Variants in KIF13B observed in about 807,000 individuals in gnomAD.
The protein encoded by KIF13B is kinesin family member 13B.
KIF13B carries 127 observed loss-of-function variants against 222.0 expected under a neutral mutation model. That is an observed-to-expected ratio of 0.57 (90% CI 0.50 to 0.66). The LOEUF (loss-of-function observed/expected upper bound fraction) is 0.66, where lower values mean the gene tolerates loss of function less well. Ranked by LOEUF, KIF13B falls within the 30% of genes least tolerant of loss-of-function variation. The pLI, the probability that KIF13B is intolerant of heterozygous loss-of-function variation, is 0.00. For synonymous variants in KIF13B, 976 were observed against 919.0 expected (o/e 1.06, Z -1.12); for missense variants, 2,173 against 2,379.0 (o/e 0.91, Z 1.80).
At chr8:29,210,033 G>C (rs918174633) in intron 2 of KIF13B, among the ~76,000 whole-genome samples, 5 of 151,728 alleles carry the variant, frequency 3.3e-5, no homozygotes, top group Admixed American at 2.6e-4. Flanking sequence ...TCCAGCTTAG[G>C]CAAGAGAGCC....
chr8:29,109,900 T>C lies in KIF13B; in HGVS notation c.4083+18A>G. 6.2e-7 allele frequency: 1 copy of C among 1,612,174 alleles called. No homozygotes were observed. The highest frequency in any genetic ancestry group is 8.5e-7 in the Non-Finnish European group (1 of 1,179,318). ...ATCAGGGCCTCTGCTGCCCGCCCTA[T>C]CCATGCGGTTGGCTAACCTGGCGCA... On this transcript the variant is annotated intron_variant, in intron 33 of 39. Coordinates refer to ENST00000524189, the MANE Select transcript of KIF13B (RefSeq NM_015254.4).
At chr8:29,156,874 T>C (rs1274127139) in intron 13 of KIF13B, among the ~76,000 whole-genome samples, 1 of 151,986 alleles carries the variant, frequency 6.6e-6, no homozygotes, top group Admixed American at 6.6e-5. Flanking sequence ...CTTGGATGTC[T>C]GAAGATATAT....
intron 1 of KIF13B, among the ~76,000 whole-genome samples, chr8:29,256,690 G>A (rs976053395): frequency 6.6e-6 from 1 of 152,120 alleles, no homozygotes; most frequent in Non-Finnish European, 1.5e-5. Flanking sequence ...TTGTAATTCT[G>A]GGAATGTTAA....
rs1225767997 is a variant in KIF13B at position 29,123,481 on chromosome 8, CCT to C, written c.3362_3363del (p.Glu1121GlyfsTer2). 4 of 1,614,012 alleles carry C rather than the reference CCT, an allele frequency of 2.5e-6. No homozygotes were observed. The Admixed American group carries it at 5.0e-5, about 20-fold the overall frequency. Reference protein sequence around the residue: ...QKLVSKRDKTEDDADREAQLL... With the variant: ...QKLVSKRDKTXDDADREAQLL... Reference sequence around the variant, plus strand: ...AGCTGCGCTTCACGGTCAGCATCATCCTCTGTTTTATCTAGAACATCGAGAAT... The same window carrying C: ...AGCTGCGCTTCACGGTCAGCATCATCCTGTTTTATCTAGAACATCGAGAAT... On this transcript the variant is annotated frameshift_variant, in exon 28 of 40. Coordinates refer to ENST00000524189, the MANE Select transcript of KIF13B (RefSeq NM_015254.4). LOFTEE classifies it high-confidence loss of function.
Position 29,167,454 on chromosome 8 carries a change from C to T in KIF13B, c.1077G>A (p.Val359=). 2.5e-6 allele frequency: 4 copies of T among 1,613,964 alleles called. No individual in the cohort carries two copies. Among genetic ancestry groups the T allele is most frequent in the Non-Finnish European group, 3.4e-6 (4 of 1,179,878 alleles). ...TAATTCGGGCATTAGGGTCCTCATT[C>T]ACCACAGCGTGGTTTACAATGTGCT... is the stretch of plus-strand genomic sequence containing the variant. ...RAKHIVNHAV[V]NEDPNARIIR... is the part of the protein sequence containing the mutation. The change falls in exon 11 of 40, where the codon GTG becomes GTA. Residue 359 remains valine (V), a synonymous_variant. Transcript: ENST00000524189.
At chr8:29,237,850 C>CA (rs1399311277) in intron 2 of KIF13B, among the ~76,000 whole-genome samples, 7 of 152,142 alleles carry the variant, frequency 4.6e-5, no homozygotes, top group Non-Finnish European at 2.9e-5. Context: ...CAAGTATATT[C>CA]AAAAGTAGTA....
intron 35 of KIF13B, among the ~76,000 whole-genome samples, chr8:29,102,023 C>T (rs1452984776): frequency 3.3e-5 from 5 of 151,414 alleles, no homozygotes; most frequent in African/African-American, 4.9e-5. Context: ...ACTATCTTCC[C>T]AATATGTTGT....
chr8:29,109,551 G>C (rs1251110096), intron 33 of KIF13B, 40 bp from the exon 34 acceptor site: 4 of 1,524,088 alleles, frequency 2.6e-6, no homozygotes, highest in Non-Finnish European at 3.6e-6. Flanking sequence ...AGACATGTAA[G>C]AGACACACTG....
rs1220568368 is a variant in KIF13B at position 29,069,150 on chromosome 8, G to C, written c.*1354C>G. ...GGGTGGCTGTGTGAATCTTGACCCA[G>C]GACTCCTGTCCCTAGATTGGTGGCC... On this transcript the variant is annotated 3_prime_UTR_variant, in exon 40 of 40. Coordinates refer to ENST00000524189, the MANE Select transcript of KIF13B (RefSeq NM_015254.4). 6.6e-6 allele frequency: 1 copy of C among 152,238 alleles called. No homozygotes were observed. Among genetic ancestry groups the C allele is most frequent in the Non-Finnish European group, 1.5e-5 (1 of 68,056 alleles). The allele number at this position is 152,238 out of a possible 1,614,324, so 9.4% of individuals were successfully genotyped here.
chr8:29,222,162 C>T (rs1411423912), intron 2 of KIF13B, among the ~76,000 whole-genome samples: 2 of 151,854 alleles, frequency 1.3e-5, no homozygotes, highest in Non-Finnish European at 1.5e-5. Context: ...GCCTGGGCAA[C>T]AATGTGAGAC....
intron 6 of KIF13B, among the ~76,000 whole-genome samples, chr8:29,182,603 T>A (rs984814476): frequency 7.3e-5 from 11 of 150,054 alleles, no homozygotes; most frequent in East Asian, 1.9e-4. Context: ...TTTTTTTTTT[T>A]AAAAGAAAAC....
intron 5 of KIF13B, among the ~76,000 whole-genome samples, chr8:29,186,835 G>A (rs971197062): frequency 2.0e-5 from 3 of 151,472 alleles, no homozygotes; most frequent in African/African-American, 4.8e-5. Context: ...CATGCGTGAC[G>A]GCACGTGCTT....
intron 12 of KIF13B, among the ~76,000 whole-genome samples, chr8:29,162,670 C>T (rs1271657969): frequency 6.6e-6 from 1 of 152,150 alleles, no homozygotes; most frequent in African/African-American, 2.4e-5. Flanking sequence ...TTTGTCAAAG[C>T]CGAAAGAGGC....
At chr8:29,229,398 G>A (rs1055270592) in intron 2 of KIF13B, among the ~76,000 whole-genome samples, 1 of 152,188 alleles carries the variant, frequency 6.6e-6, no homozygotes, top group Non-Finnish European at 1.5e-5. Context: ...ACACCTTTGA[G>A]TCTCATTTCC....
At chr8:29,115,870 C>T (rs921016380) in intron 31 of KIF13B, among the ~76,000 whole-genome samples, 5 of 152,162 alleles carry the variant, frequency 3.3e-5, no homozygotes, top group African/African-American at 9.7e-5. Context: ...TGCCCCTCCT[C>T]TCTAAGTCCC....
chr8:29,220,285 T>A (rs1814683420), intron 2 of KIF13B, among the ~76,000 whole-genome samples: 1 of 152,192 alleles, frequency 6.6e-6, no homozygotes, highest in African/African-American at 2.4e-5. Flanking sequence ...CCTGATGGTA[T>A]TCCCAGTGGT....
rs1266413194 is a variant in KIF13B at position 29,180,219 on chromosome 8, G to A, written c.605C>T (p.Ser202Phe). The A allele has an allele frequency of 6.2e-7, 1 of 1,613,782 alleles. No homozygotes were observed. The highest frequency in any genetic ancestry group is 8.5e-7 in the Non-Finnish European group (1 of 1,179,838). Reference sequence around the variant, plus strand: ...AACTGTGCGAGATTTGTTACCCTCAGACATCAACGACTCAATATCCTAAGT... The same window carrying A: ...AACTGTGCGAGATTTGTTACCCTCAAACATCAACGACTCAATATCCTAAGT... ...TSYKDIESLM[S>F]EGNKSRTVAA... Residue 202 changes from serine (S) to phenylalanine (F), a missense_variant, in exon 8 of 40, where the codon TCT becomes TTT. Ser to Phe is a radical substitution (Grantham distance 155, BLOSUM62 -2). This residue lies in a region of KIF13B where 1,480 missense variants were observed against 1,722.8 expected (regional missense o/e 0.86). Coordinates refer to ENST00000524189, the MANE Select transcript of KIF13B (RefSeq NM_015254.4).
chr8:29,110,112 T>TAC (rs761031414), intron 32 of KIF13B, 42 bp from the exon 33 acceptor site: 32 of 1,499,586 alleles, frequency 2.1e-5, no homozygotes, highest in African/African-American at 1.9e-4. Flanking sequence ...CTTCTTGATG[T>TAC]ACACACACAC....
At chr8:29,247,398 T>G (rs529968397) in intron 1 of KIF13B, among the ~76,000 whole-genome samples, 2 of 152,122 alleles carry the variant, frequency 1.3e-5, no homozygotes, top group African/African-American at 2.4e-5. Context: ...ACAAAAATTT[T>G]TTTTAATTAA....
Sources: allele counts gnomAD v4.1 joint callset (sites outside exome capture counted in the v4.1 genomes callset), GRCh38; gene constraint gnomAD v4.1.1; regional missense constraint gnomAD v4.1.1; transcripts MANE v1.5; gene names NCBI Gene and HGNC (gene_info 2026-07-23, HGNC 2026-07-21).